The following KAZN variants were observed in gnomAD, a reference collection of about 807,000 sequenced individuals.
KAZN encodes kazrin.
A neutral mutation model predicts 87.4 loss-of-function variants in KAZN; 40 were observed. That is an observed-to-expected ratio of 0.46 (90% CI 0.36 to 0.60). The LOEUF (loss-of-function observed/expected upper bound fraction) is 0.60. Ranked by LOEUF, KAZN falls within the 20% of genes least tolerant of loss-of-function variation. The pLI, the probability that KAZN is intolerant of heterozygous loss-of-function variation, is 0.00. For missense variants in KAZN, 898 were observed against 1,073.9 expected, an observed-to-expected ratio of 0.84 and a Z score of 2.29; for synonymous variants, 466 against 458.3, an observed-to-expected ratio of 1.02 and a Z score of -0.22.
At chr1:14,031,010 T>G (rs1641305595) in intron 1 of KAZN, among the ~76,000 whole-genome samples, 1 of 152,188 alleles carries the variant, frequency 6.6e-6, no homozygotes, top group Non-Finnish European at 1.5e-5. Flanking sequence ...ATCTGTTTTG[T>G]GCCCACGGTT....
rs551939039 is a variant in KAZN at position 14,057,128 on chromosome 1, TTTTG to T, written c.92-123295_92-123292del. ...CATGTTTAACATTCTTTTTTTTGTTTTTTGTTTGTTTGTTTTTTTTTTTTGAGAC... is the reference window on the plus strand; with the variant it reads ...CATGTTTAACATTCTTTTTTTTGTTTTTTGTTTGTTTTTTTTTTTTGAGAC... On this transcript the variant is annotated intron_variant, in intron 1 of 16. Coordinates refer to the KAZN transcript ENST00000636203. Among the ~76,000 whole-genome samples the T allele has an allele frequency of 4.5e-3, 676 of 151,862 alleles. 4 individuals carry two copies. Among genetic ancestry groups the T allele is most frequent in the African/African-American group, 0.016 (646 of 41,398 alleles).
At position 14,897,089 on chromosome 1, in the gene KAZN, C is replaced by T. The variant is rs112991331; in HGVS notation, c.227-63595C>T. Among the ~76,000 whole-genome samples the T allele has an allele frequency of 4.3e-3, 653 of 152,344 alleles. 7 individuals carry two copies. Among genetic ancestry groups the T allele is most frequent in the African/African-American group, 0.014 (596 of 41,580 alleles). ...ACCTAATCACGGCTCTATCTCCTTT[C>T]TTGGTGATTCTTTTGGCTCTGCCCT... On this transcript the variant is annotated intron_variant, in intron 1 of 14. Transcript: ENST00000376030.
chr1:14,594,038 G>A (rs1413184248), upstream of KAZN, among the ~76,000 whole-genome samples: 4 of 152,292 alleles, frequency 2.6e-5, no homozygotes, highest in Non-Finnish European at 4.4e-5. Context: ...CTGTAAATAA[G>A]GAGGGCACTA....
chr1:14,883,551 C>G (rs1653719309), intron 1 of KAZN, among the ~76,000 whole-genome samples: 1 of 148,046 alleles, frequency 6.8e-6, no homozygotes, highest in Non-Finnish European at 1.5e-5. Flanking sequence ...GCATTATCTT[C>G]ACACGCTCCT....
intron 2 of KAZN, among the ~76,000 whole-genome samples, chr1:14,552,642 T>C (rs1673611970): frequency 6.6e-6 from 1 of 152,136 alleles, no homozygotes; most frequent in African/African-American, 2.4e-5. Context: ...CATGAATGCC[T>C]CCATGCAAGT....
intron 4 of KAZN, among the ~76,000 whole-genome samples, chr1:15,052,798 T>A (rs944140102): frequency 5.9e-5 from 9 of 152,158 alleles, no homozygotes; most frequent in African/African-American, 1.4e-4. Flanking sequence ...GCCACCCCAT[T>A]CTGAAGGACC....
At chr1:14,821,417 T>C (rs2100827281) in intron 1 of KAZN, among the ~76,000 whole-genome samples, 1 of 151,624 alleles carries the variant, frequency 6.6e-6, no homozygotes, top group East Asian at 2.0e-4. Context: ...CTTGGGAGGC[T>C]GAGGCAGGAG....
chr1:14,269,588 A>G (rs931208807), intron 2 of KAZN, among the ~76,000 whole-genome samples: 9 of 152,176 alleles, frequency 5.9e-5, no homozygotes, highest in Admixed American at 5.2e-4. Context: ...AGTGGTAAAA[A>G]CATGTGGGCT....
chr1:14,286,753 C>T (rs139042416), intron 2 of KAZN, among the ~76,000 whole-genome samples: 316 of 152,226 alleles, frequency 2.1e-3, no homozygotes, highest in South Asian at 5.8e-3. Context: ...TGATGTAACA[C>T]AAAATTCACC....
In KAZN at chr1:14,515,475, C is replaced by T. The variant is rs12733529; in HGVS notation, c.250-83508C>T. Among the ~76,000 whole-genome samples, 769 of 152,336 alleles carry T rather than the reference C, an allele frequency of 5.0e-3. 6 individuals carry two copies. The highest frequency in any genetic ancestry group is 0.017 in the Middle Eastern group (5 of 294). On this transcript the variant is annotated intron_variant, in intron 2 of 16. Transcript: ENST00000636203. ...ACCGTATGTGGGAACCACACAGGCC[C>T]ATAAACAAAGCACTTGGGAAACCCG...
At chr1:14,446,546 G>T (rs149778963) in intron 2 of KAZN, among the ~76,000 whole-genome samples, 2 of 152,310 alleles carry the variant, frequency 1.3e-5, no homozygotes, top group Non-Finnish European at 2.9e-5. Context: ...GTTAATTCCA[G>T]TATGAGCTAA....
intron 1 of KAZN, among the ~76,000 whole-genome samples, chr1:14,829,003 A>G (rs1246680836): frequency 6.6e-6 from 1 of 152,216 alleles, no homozygotes; most frequent in East Asian, 1.9e-4. Context: ...CCTTGCTACA[A>G]GAGAGGCTGA....
chr1:14,235,711 T>C lies in KAZN; in HGVS notation c.249+55119T>C, dbSNP rs75616395. Among the ~76,000 whole-genome samples, 1,857 of 152,258 alleles carry C rather than the reference T, an allele frequency of 0.012. 88 individuals are homozygous for C. The East Asian group carries it at 0.15, about 13-fold the overall frequency. On this transcript the variant is annotated intron_variant, in intron 2 of 16. Transcript: ENST00000636203. ...TCTAAGACTGAAGAATTGGAAACAA[T>C]CTAGATGTCAGTCACAGTAAAGTCT...
intron 2 of KAZN, among the ~76,000 whole-genome samples, chr1:14,543,069 C>T (rs1347467225): frequency 2.0e-5 from 3 of 152,126 alleles, no homozygotes; most frequent in African/African-American, 7.2e-5. Context: ...GAAACACAGG[C>T]TCCTAACTAG....
At chr1:14,507,741 A>G (rs985653688) in intron 2 of KAZN, among the ~76,000 whole-genome samples, 4 of 152,186 alleles carry the variant, frequency 2.6e-5, no homozygotes, top group Non-Finnish European at 5.9e-5. Context: ...AATTACATCC[A>G]TGGGCACCTC....
At chr1:14,695,508 A>ATTTTTTTTTTTTTTTTTTT (rs1230082930) in intron 1 of KAZN, among the ~76,000 whole-genome samples, 3 of 67,784 alleles carry the variant, frequency 4.4e-5, no homozygotes, top group Admixed American at 1.3e-4. Flanking sequence ...ACTACATTCC[A>ATTTTTTTTTTTTTTTTTTT]TCTTTTTTTT....
rs1378690806 is a variant in KAZN, at chr1:14,249,259, C to T, written c.249+68667C>T. On this transcript the variant is annotated intron_variant, in intron 2 of 16. Transcript: ENST00000636203. ...GGATGGGAATGGGTCTGTTTCAGCT[C>T]TAAAAGTTGATTATTCGGTAAAACT... 8.3e-4 allele frequency among the ~76,000 whole-genome samples: 126 copies of T among 152,290 alleles called. 1 individual carries two copies. Among genetic ancestry groups the T allele is most frequent in the Admixed American group, 8.2e-3 (126 of 15,298 alleles).
intron 1 of KAZN, among the ~76,000 whole-genome samples, chr1:14,671,172 T>G (rs967038916): frequency 6.6e-6 from 1 of 152,192 alleles, no homozygotes; most frequent in African/African-American, 2.4e-5. Flanking sequence ...GTCCAATATT[T>G]GGTTTATCTA....
chr1:13,949,133 C>T (rs998456133), intron 1 of KAZN, among the ~76,000 whole-genome samples: 1 of 152,206 alleles, frequency 6.6e-6, no homozygotes, highest in African/African-American at 2.4e-5. Flanking sequence ...ATCATTTCCC[C>T]TCTCCTCTGT....
Sources: allele counts gnomAD v4.1 joint callset (sites outside exome capture counted in the v4.1 genomes callset), GRCh38; gene constraint gnomAD v4.1.1; transcripts MANE v1.5; gene names NCBI Gene and HGNC (gene_info 2026-07-23, HGNC 2026-07-21).